Variants in LRP1B observed in about 807,000 individuals in gnomAD.
LRP1B encodes the protein low-density lipoprotein receptor-related protein 1B.
LRP1B carries 217 observed loss-of-function variants against 556.6 expected under a neutral mutation model. The ratio of observed to expected loss-of-function variants is 0.39; its 90% CI spans 0.35 to 0.44. LRP1B has a LOEUF of 0.44. LRP1B is among the 20% of genes least tolerant of loss of function. The pLI, the probability that LRP1B is intolerant of heterozygous loss-of-function variation, is 1.00. For synonymous variants in LRP1B, 2,047 were observed against 1,865.8 expected (o/e 1.10, Z -2.50); for missense variants, 5,053 against 5,620.8 (o/e 0.90, Z 3.23).
At chr2:141,254,775 A>G in intron 3 of LRP1B, 134 bp from the exon 4 acceptor site, 1 of 584,828 alleles carries the variant, frequency 1.7e-6, no homozygotes. Context: ...CTAGAAAAAA[A>G]TATTTACCTA....
chr2:140,766,862 AT>A (rs1210821959), intron 35 of LRP1B, among the ~76,000 whole-genome samples: 157 of 60,074 alleles, frequency 2.6e-3, no homozygotes, highest in East Asian at 0.017. Context: ...ATATATATAT[AT>A]ATAATATATA....
At chr2:141,551,075 G>A (rs549399589) in intron 2 of LRP1B, among the ~76,000 whole-genome samples, 1 of 152,054 alleles carries the variant, frequency 6.6e-6, no homozygotes, top group African/African-American at 2.4e-5. Context: ...TTCTGTGCTA[G>A]AAATAGGAAA....
At chr2:140,812,921 A>G (rs1573752072) in intron 32 of LRP1B, among the ~76,000 whole-genome samples, 4 of 152,272 alleles carry the variant, frequency 2.6e-5, no homozygotes, top group Middle Eastern at 6.8e-3. Context: ...TCACTAAATC[A>G]ATATTCAGCC....
intron 5 of LRP1B, among the ~76,000 whole-genome samples, chr2:141,242,762 G>A (rs1307346001): frequency 6.6e-6 from 1 of 152,082 alleles, no homozygotes; most frequent in East Asian, 1.9e-4. Context: ...AGCCCTAGGG[G>A]TTCAGGAGAA....
intron 3 of LRP1B, among the ~76,000 whole-genome samples, chr2:141,297,294 A>C (rs1347861586): frequency 6.6e-6 from 1 of 152,220 alleles, no homozygotes; most frequent in Non-Finnish European, 1.5e-5. Context: ...ATTACTAAAA[A>C]GTCAAAAACT....
chr2:140,616,188 G>A (rs1683250815), intron 41 of LRP1B, among the ~76,000 whole-genome samples: 1 of 151,806 alleles, frequency 6.6e-6, no homozygotes, highest in Admixed American at 6.6e-5. Context: ...GTTATTAGCA[G>A]TCAGTAATAT....
Position 141,185,132 on chromosome 2 carries a change from T to G in LRP1B, c.1013+3289A>C, listed in dbSNP as rs376669517. Reference sequence around the variant, plus strand: ...TCCACAACTCAGAAAATGTTAAGGTTCTTTATGTATTTGACCTTATTTAAT... The same window carrying G: ...TCCACAACTCAGAAAATGTTAAGGTGCTTTATGTATTTGACCTTATTTAAT... On this transcript the variant is annotated intron_variant, in intron 7 of 90. Coordinates refer to ENST00000389484, the MANE Select transcript of LRP1B (RefSeq NM_018557.3). Among the ~76,000 whole-genome samples, 15 of 152,212 alleles carry G rather than the reference T, an allele frequency of 9.9e-5. No individual in the cohort carries two copies. In the East Asian group the frequency reaches 1.4e-3, roughly 14 times the overall value.
intron 84 of LRP1B, among the ~76,000 whole-genome samples, chr2:140,285,862 AT>A: frequency 6.6e-6 from 1 of 151,620 alleles, no homozygotes; most frequent in East Asian, 1.9e-4. Flanking sequence ...TTCATTGTGT[AT>A]AGTGTACATG....
chr2:142,080,746 A>T (rs938927584), intron 1 of LRP1B, among the ~76,000 whole-genome samples: 2 of 151,944 alleles, frequency 1.3e-5, no homozygotes, highest in Non-Finnish European at 2.9e-5. Context: ...GATTGACTCC[A>T]CCTCCTCTCC....
intron 35 of LRP1B, among the ~76,000 whole-genome samples, chr2:140,753,024 C>G (rs910475456): frequency 6.6e-6 from 1 of 152,142 alleles, no homozygotes; most frequent in Admixed American, 6.6e-5. Flanking sequence ...CCTCTATGCT[C>G]CATCTATTAA....
At chr2:141,035,310 C>G (rs1019503907) in intron 11 of LRP1B, among the ~76,000 whole-genome samples, 1 of 151,792 alleles carries the variant, frequency 6.6e-6, no homozygotes, top group African/African-American at 2.4e-5. Flanking sequence ...ACATATGTAA[C>G]TAACCTGCAC....
Position 141,500,644 on chromosome 2 carries a change from G to C in LRP1B, c.206-20111C>G, listed in dbSNP as rs1219229886. On this transcript the variant is annotated intron_variant, in intron 2 of 90. Coordinates refer to ENST00000389484, the MANE Select transcript of LRP1B (RefSeq NM_018557.3). Reference sequence around the variant, plus strand: ...AGAAGGAATATTATGGCAAATTAAAGTATATGAAAGTTTCACAATGAAAGA... The same window carrying C: ...AGAAGGAATATTATGGCAAATTAAACTATATGAAAGTTTCACAATGAAAGA... Among the ~76,000 whole-genome samples, 2 of 152,126 alleles carry C rather than the reference G, an allele frequency of 1.3e-5. 1 individual carries two copies. The highest frequency in any genetic ancestry group is 3.9e-4 in the East Asian group (2 of 5,182).
intron 20 of LRP1B, among the ~76,000 whole-genome samples, chr2:140,927,269 C>T (rs1694912778): frequency 6.6e-6 from 1 of 152,284 alleles, no homozygotes; most frequent in Non-Finnish European, 1.5e-5. Flanking sequence ...GGTGCTACTG[C>T]ACTCCAGCCT....
intron 14 of LRP1B, among the ~76,000 whole-genome samples, chr2:141,009,400 T>G (rs1048479648): frequency 6.6e-6 from 1 of 151,914 alleles, no homozygotes; most frequent in African/African-American, 2.4e-5. Context: ...CTTCTTACTT[T>G]TTTTCTCTTT....
At chr2:141,386,987 T>C (rs1689855510) in intron 3 of LRP1B, among the ~76,000 whole-genome samples, 1 of 152,058 alleles carries the variant, frequency 6.6e-6, no homozygotes, top group East Asian at 1.9e-4. Flanking sequence ...CTAAAACAAC[T>C]GATATTATAC....
chr2:141,960,956 CTTT>C (rs982883339), intron 1 of LRP1B, among the ~76,000 whole-genome samples: 1 of 151,526 alleles, frequency 6.6e-6, no homozygotes, highest in African/African-American at 2.4e-5. Flanking sequence ...ATCAGCTCAG[CTTT>C]TTTTATTAAA....
intron 20 of LRP1B, among the ~76,000 whole-genome samples, chr2:140,923,356 G>T (rs528471604): frequency 1.3e-5 from 2 of 151,860 alleles, no homozygotes; most frequent in African/African-American, 4.8e-5. Context: ...TTAATAGTCC[G>T]ATAAAATGAT....
chr2:140,518,027 G>A lies in LRP1B; in HGVS notation c.8027-1016C>T, dbSNP rs539274945. On this transcript the variant is annotated intron_variant, in intron 49 of 90. Coordinates refer to ENST00000389484, the MANE Select transcript of LRP1B (RefSeq NM_018557.3). ...CCCAGCCTAAATTTATCTTTTAACT[G>A]GGTGTCATCTGTTCCATTGCTCCTT... Among the ~76,000 whole-genome samples the A allele has an allele frequency of 3.3e-5, 5 of 151,974 alleles. No homozygotes were observed. In the South Asian group the frequency reaches 1.0e-3, roughly 32 times the overall value.
intron 2 of LRP1B, among the ~76,000 whole-genome samples, chr2:141,789,274 T>C (rs1272636303): frequency 6.6e-6 from 1 of 152,038 alleles, no homozygotes; most frequent in African/African-American, 2.4e-5. Flanking sequence ...ACTTACAGCA[T>C]TGTTACAAAA....
Sources: gnomAD v4.1 joint callset for allele counts (sites outside exome capture counted in the v4.1 genomes callset) on GRCh38, gnomAD v4.1.1 for gene constraint, MANE v1.5 for transcripts, NCBI Gene and HGNC (gene_info 2026-07-23, HGNC 2026-07-21) for gene names.